Variants in PTPRQ observed in about 807,000 individuals in gnomAD.
The protein encoded by PTPRQ is protein tyrosine phosphatase receptor type Q, also known as phosphatidylinositol phosphatase PTPRQ.
Under a neutral mutation model 246.0 loss-of-function variants are expected in PTPRQ, and 199 were observed. That is an observed-to-expected ratio of 0.81 (90% confidence interval 0.72 to 0.91). The LOEUF (loss-of-function observed/expected upper bound fraction) is 0.91. PTPRQ is among the 40% of genes least tolerant of loss of function. The probability of loss-of-function intolerance (pLI) is 0.00; values close to 1 mark genes in which losing one functional copy is unlikely to be tolerated. For missense variants in PTPRQ, 2,624 were observed against 2,528.4 expected, an observed-to-expected ratio of 1.04 and a Z score of -0.81; for synonymous variants, 869 against 853.2, an observed-to-expected ratio of 1.02 and a Z score of -0.32.
intron 17 of PTPRQ, among the ~76,000 whole-genome samples, chr12:80,526,631 C>A (rs1012920649): frequency 6.6e-6 from 1 of 152,002 alleles, no homozygotes; most frequent in Admixed American, 6.6e-5. Flanking sequence ...AACTGAAGAA[C>A]AGACAGTTTG....
At chr12:80,456,133 A>T (rs183173124) in intron 3 of PTPRQ, among the ~76,000 whole-genome samples, 1 of 152,218 alleles carries the variant, frequency 6.6e-6, no homozygotes, top group Non-Finnish European at 1.5e-5. Context: ...AGAAGAAAAT[A>T]TATAAAACCT....
chr12:80,640,747 C>T (rs1300775039), intron 35 of PTPRQ, among the ~76,000 whole-genome samples: 1 of 151,950 alleles, frequency 6.6e-6, no homozygotes, highest in African/African-American at 2.4e-5. Flanking sequence ...TCCAAAGCTC[C>T]CCCCAAAAGC....
chr12:80,610,881 A>C (rs1025405787), intron 28 of PTPRQ, among the ~76,000 whole-genome samples: 1 of 150,430 alleles, frequency 6.6e-6, no homozygotes, highest in Non-Finnish European at 1.5e-5. Context: ...ATTTCTTTGC[A>C]CTTATTTAAT....
Position 80,605,066 on chromosome 12 carries a change from T to C in PTPRQ, c.4617T>C (p.Asp1539=). The C allele has an allele frequency of 1.3e-6, 2 of 1,541,412 alleles. No homozygotes were observed. The highest frequency in any genetic ancestry group is 8.8e-7 in the Non-Finnish European group (1 of 1,141,466). Residue 1539 remains aspartate (D), a synonymous_variant, in exon 27 of 45, where the codon GAT becomes GAC. Transcript: ENST00000644991. The part of the protein sequence containing the change: ...ISTKTLPGPP[D]GPPENVHVVA... The stretch of plus-strand genomic sequence containing the variant: ...AATTTTCTATTGTCATAGCTCCAGA[T>C]GGTCCTCCTGAAAATGTTCATGTAG...
intron 17 of PTPRQ, among the ~76,000 whole-genome samples, chr12:80,527,303 T>G (rs1895715969): frequency 6.6e-6 from 1 of 152,122 alleles, no homozygotes; most frequent in Non-Finnish European, 1.5e-5. Flanking sequence ...GAACACAATT[T>G]AATTTACACC....
chr12:80,610,661 T>A, intron 28 of PTPRQ, 36 bp downstream of exon 28: 4 of 1,536,970 alleles, frequency 2.6e-6, no homozygotes, highest in Non-Finnish European at 3.5e-6. Flanking sequence ...AAAAATTGAC[T>A]GAGATTTAGC....
intron 14 of PTPRQ, among the ~76,000 whole-genome samples, chr12:80,497,089 C>T (rs967770264): frequency 6.6e-6 from 1 of 151,878 alleles, no homozygotes; most frequent in African/African-American, 2.4e-5. Flanking sequence ...CCCCTCCCTC[C>T]GGACTAGGGA....
chr12:80,459,484 G>GTTTC lies in PTPRQ; in HGVS notation c.660+2_660+3insTTCT. The stretch of plus-strand genomic sequence containing the variant: ...GACTGGGAAATTGCCAGAATGCAAT[G>GTTTC]TAAGTATCACAGAACACTTTCTATG... On this transcript the variant is annotated splice_donor_variant, in intron 5 of 44. Transcript: ENST00000644991. LOFTEE classifies it high-confidence loss of function. The GTTTC allele has an allele frequency of 2.5e-6, 1 of 398,340 alleles. No homozygotes were observed. The highest frequency in any genetic ancestry group is 4.4e-6 in the Non-Finnish European group (1 of 225,908). 24.7% of individuals were successfully genotyped at this position (398,340 alleles called of 1,614,324 possible).
chr12:80,580,058 A>T (rs1277154157), intron 25 of PTPRQ, among the ~76,000 whole-genome samples: 2 of 152,162 alleles, frequency 1.3e-5, no homozygotes, highest in African/African-American at 2.4e-5. Flanking sequence ...CTACCTTCAC[A>T]ATCCTATCAG....
At chr12:80,600,008 A>T (rs1898090130) in intron 26 of PTPRQ, among the ~76,000 whole-genome samples, 1 of 152,012 alleles carries the variant, frequency 6.6e-6, no homozygotes, top group South Asian at 2.1e-4. Context: ...GTGTAACAAG[A>T]CAGGCAATTT....
At position 80,534,877 on chromosome 12, in the gene PTPRQ, T is replaced by C. The variant is rs1895942058; in HGVS notation, c.2840-15T>C. 2 of 1,543,864 alleles carry C rather than the reference T, an allele frequency of 1.3e-6. No homozygotes were observed. Among genetic ancestry groups the C allele is most frequent in the South Asian group, 2.4e-5 (2 of 81,786 alleles). ...AACACAAATACAGTAATTTGTTCAA[T>C]TATTTGTTTTATAGCACCAAGCGAT... is the stretch of plus-strand genomic sequence containing the variant. On this transcript the variant is annotated splice_polypyrimidine_tract_variant and intron_variant, in intron 18 of 44. Transcript: ENST00000644991.
At chr12:80,563,228 C>A (rs150961398) in intron 25 of PTPRQ, among the ~76,000 whole-genome samples, 1 of 152,230 alleles carries the variant, frequency 6.6e-6, no homozygotes, top group Non-Finnish European at 1.5e-5. Flanking sequence ...AACATCAGGG[C>A]ACCAGCAGAT....
chr12:80,677,603 A>G (rs1017201793), intron 43 of PTPRQ, among the ~76,000 whole-genome samples: 2 of 152,336 alleles, frequency 1.3e-5, no homozygotes, highest in South Asian at 2.1e-4. Flanking sequence ...CTGCCTTTAT[A>G]AAACTGACGT....
Position 80,468,748 on chromosome 12 carries a change from A to G in PTPRQ, c.949A>G (p.Ile317Val). The G allele has an allele frequency of 6.5e-7, 1 of 1,549,814 alleles. No individual in the cohort carries two copies. The highest frequency in any genetic ancestry group is 8.7e-7 in the Non-Finnish European group (1 of 1,146,186). The change falls in exon 7 of 45, where the codon ATC becomes GTC. Residue 317 changes from isoleucine (I) to valine (V), a missense_variant. By Grantham distance (29) the Ile-to-Val change is conservative. Coordinates refer to ENST00000644991, the MANE Select transcript of PTPRQ (RefSeq NM_001145026.2). ...ACCACAAAACTGCGTAACAGGCAAC[A>G]TCACAGGAAAGTCCTTTTCAATTTT... ...GPPQNCVTGN[I>V]TGKSFSILWD...
intron 35 of PTPRQ, among the ~76,000 whole-genome samples, 198 bp from the exon 36 acceptor site, chr12:80,648,699 T>C (rs915821672): frequency 3.3e-5 from 5 of 152,102 alleles, no homozygotes; most frequent in Non-Finnish European, 7.4e-5. Flanking sequence ...AGAATGTAAA[T>C]TATTTGCCAT....
At chr12:80,581,399 G>T (rs918830092) in intron 25 of PTPRQ, among the ~76,000 whole-genome samples, 1 of 152,154 alleles carries the variant, frequency 6.6e-6, no homozygotes, top group African/African-American at 2.4e-5. Flanking sequence ...ACTTTGGGAG[G>T]CTGAGGTGGG....
intron 33 of PTPRQ, among the ~76,000 whole-genome samples, chr12:80,622,519 C>G (rs1328012058): frequency 6.6e-6 from 1 of 151,954 alleles, no homozygotes; most frequent in Non-Finnish European, 1.5e-5. Context: ...GCTAAATTTC[C>G]ACAATGCACA....
chr12:80,544,130 C>G (rs1437430586), intron 23 of PTPRQ, among the ~76,000 whole-genome samples: 1 of 152,106 alleles, frequency 6.6e-6, no homozygotes, highest in Non-Finnish European at 1.5e-5. Context: ...TCCAAATTAC[C>G]TGGCTCAGAT....
chr12:80,491,258 C>T (rs896552291), intron 9 of PTPRQ, among the ~76,000 whole-genome samples: 1 of 151,952 alleles, frequency 6.6e-6, no homozygotes, highest in African/African-American at 2.4e-5. Flanking sequence ...TGCTACCTCA[C>T]TATAGTTCAT....
Sources: gnomAD v4.1 joint callset for allele counts (sites outside exome capture counted in the v4.1 genomes callset) on GRCh38, gnomAD v4.1.1 for gene constraint, MANE v1.5 for transcripts, NCBI Gene and HGNC (gene_info 2026-07-23, HGNC 2026-07-21) for gene names.